RYR2: variants seen among roughly 807,000 people sequenced by gnomAD.
The protein encoded by RYR2 is ryanodine receptor 2.
RYR2 carries 227 observed loss-of-function variants against 601.1 expected under a neutral mutation model. The observed-to-expected ratio is 0.38, with a 90% CI of 0.34 to 0.42. The LOEUF is 0.42. Ranked by LOEUF, RYR2 falls within the 10% of genes least tolerant of loss-of-function variation. RYR2 has a pLI of 1.00. For missense variants in RYR2, 4,646 were observed against 6,156.5 expected, an observed-to-expected ratio of 0.75 and a Z score of 8.21; for synonymous variants, 2,223 against 2,175.1, an observed-to-expected ratio of 1.02 and a Z score of -0.61.
At chr1:237,225,285 GC>G (rs773886012) in intron 1 of RYR2, among the ~76,000 whole-genome samples, 9 of 152,172 alleles carry the variant, frequency 5.9e-5, no homozygotes, top group Non-Finnish European at 1.2e-4. Context: ...AGTTGAGGAT[GC>G]CCACCTGTAT....
chr1:237,558,787 G>A (rs1323464102), intron 27 of RYR2, among the ~76,000 whole-genome samples: 1 of 151,998 alleles, frequency 6.6e-6, no homozygotes, highest in African/African-American at 2.4e-5. Context: ...AGCTCTGCTT[G>A]TCTTTCTTCA....
rs1321772491 is a variant in RYR2, at chr1:237,566,567, C to T, written c.3215C>T (p.Ala1072Val). 2 of 1,612,088 alleles carry T rather than the reference C, an allele frequency of 1.2e-6. No individual in the cohort carries two copies. Among genetic ancestry groups the T allele is most frequent in the South Asian group, 2.2e-5 (2 of 91,030 alleles). Residue 1072 changes from alanine to valine, a missense_variant and splice_region_variant, in exon 28 of 105, where the codon GCA (alanine) becomes GTA (valine). By Grantham distance (64) the Ala-to-Val change is moderately conservative. Around this residue, in one of 17 missense-constraint regions of RYR2, gnomAD observed 1,807 missense variants for 2,088.1 expected, o/e 0.87. Coordinates refer to ENST00000366574, the MANE Select transcript of RYR2 (RefSeq NM_001035.3). ...CCAGAAATCTCTGTCCATTTCCCAG[C>T]AGCCAGAGCCGAAGTGTGCAGCGGC... Reference protein sequence around the residue: ...YNLEAPDQDHAARAEVCSGTG... With the variant: ...YNLEAPDQDHVARAEVCSGTG...
intron 71 of RYR2, 33 bp from the exon 72 acceptor site, chr1:237,717,165 G>A: frequency 3.1e-6 from 5 of 1,605,744 alleles, no homozygotes; most frequent in Non-Finnish European, 4.3e-6. Context: ...AGAAAAGCAG[G>A]TTCAGATCCC....
chr1:237,614,922 CTG>C lies in RYR2; in HGVS notation c.5715+89_5715+90del, dbSNP rs1449505483. The C allele has an allele frequency of 1.2e-5, 16 of 1,361,328 alleles. No individual in the cohort carries two copies. Among genetic ancestry groups the C allele is most frequent in the East Asian group, 4.8e-5 (2 of 41,642 alleles). The allele number at this position is 1,361,328 out of a possible 1,614,324, so 84.3% of individuals were successfully genotyped here. On this transcript the variant is annotated intron_variant, in intron 37 of 104. Transcript: ENST00000366574. This position sits in a 1 kb window ranked among gnomAD's most constrained non-coding sequence, Gnocchi z 4.3. Reference sequence around the variant, plus strand: ...TTAGAACATGCCTTTGTTTCTTTCTCTGTGTGTGTGTTTATTTCTTTGCATTC... The same window carrying C: ...TTAGAACATGCCTTTGTTTCTTTCTCTGTGTGTGTTTATTTCTTTGCATTC...
chr1:237,429,092 C>T (rs893050868), intron 12 of RYR2, among the ~76,000 whole-genome samples: 1 of 151,724 alleles, frequency 6.6e-6, no homozygotes, highest in Non-Finnish European at 1.5e-5. Context: ...CAGTTAGTGC[C>T]CTCAGAGCTT....
intron 1 of RYR2, among the ~76,000 whole-genome samples, chr1:237,174,672 A>G (rs1010509359): frequency 3.3e-5 from 5 of 151,994 alleles, no homozygotes; most frequent in African/African-American, 1.2e-4. Flanking sequence ...TAATATCCCG[A>G]CTGCTTTTTC....
chr1:237,328,552 C>A (rs1211679046), intron 2 of RYR2, among the ~76,000 whole-genome samples: 1 of 151,360 alleles, frequency 6.6e-6, no homozygotes, highest in African/African-American at 2.4e-5. Flanking sequence ...GTTGGGTAAA[C>A]AGGAGCCCAT....
intron 8 of RYR2, among the ~76,000 whole-genome samples, chr1:237,379,597 A>T (rs1451075300): frequency 6.6e-6 from 1 of 152,186 alleles, no homozygotes; most frequent in Non-Finnish European, 1.5e-5. Context: ...TTTACAAGTG[A>T]TTTCCAAACT....
Position 237,510,620 on chromosome 1 carries a change from CTT to C in RYR2, c.2719-1067_2719-1066del, listed in dbSNP as rs1665791743. Among the ~76,000 whole-genome samples, 3 of 152,014 alleles carry C rather than the reference CTT, an allele frequency of 2.0e-5. No homozygotes were observed. The South Asian group carries it at 6.2e-4, about 31-fold the overall frequency. Reference sequence around the variant, plus strand: ...TTTCTAACTTGGTGACTGCTGAAGACTTAAAAAAAAAGCTCACTCATGTTTCT... The same window carrying C: ...TTTCTAACTTGGTGACTGCTGAAGACAAAAAAAAAGCTCACTCATGTTTCT... On this transcript the variant is annotated intron_variant, in intron 23 of 104. Transcript: ENST00000366574.
chr1:237,682,472 AT>A (rs143380741), intron 62 of RYR2, among the ~76,000 whole-genome samples: 2,145 of 152,230 alleles, frequency 0.014, 43 homozygotes, highest in African/African-American at 0.049. Context: ...CCCATACTAT[AT>A]TTTTACTAAT....
intron 8 of RYR2, among the ~76,000 whole-genome samples, chr1:237,378,024 A>C (rs1030372515): frequency 6.6e-6 from 1 of 152,238 alleles, no homozygotes; most frequent in Non-Finnish European, 1.5e-5. Context: ...AGACACACCC[A>C]AAACTGGGCA....
chr1:237,631,822 G>C (rs1353223251), intron 42 of RYR2, among the ~76,000 whole-genome samples: 1 of 151,128 alleles, frequency 6.6e-6, no homozygotes, highest in Non-Finnish European at 1.5e-5. Context: ...TAGAGACGGG[G>C]TTTCACTGTG....
Position 237,377,324 on chromosome 1 carries a change from G to C in RYR2, c.465G>C (p.Gly155=). 1 of 1,609,104 alleles carries C rather than the reference G, an allele frequency of 6.2e-7. No homozygotes were observed. Among genetic ancestry groups the C allele is most frequent in the South Asian group, 1.1e-5 (1 of 90,146 alleles). Residue 155 remains glycine, a splice_region_variant and synonymous_variant, in exon 8 of 105, where the codon GGG becomes GGC. Transcript: ENST00000366574. The part of the protein sequence containing the change: ...FDVGLQEDTT[G]EACWWTIHPA... ...TTTCACATATCCGTATATCTGCAGGGGAGGCTTGTTGGTGGACCATACACC... is the reference window on the plus strand; with the variant it reads ...TTTCACATATCCGTATATCTGCAGGCGAGGCTTGTTGGTGGACCATACACC...
At chr1:237,111,630 G>C in intron 1 of RYR2, among the ~76,000 whole-genome samples, 1 of 149,588 alleles carries the variant, frequency 6.7e-6, no homozygotes, top group East Asian at 2.0e-4. Context: ...TTGAAGTTCT[G>C]AGTGTGAAGT....
At chr1:237,619,695 A>G (rs1270225733) in intron 38 of RYR2, among the ~76,000 whole-genome samples, 1 of 152,162 alleles carries the variant, frequency 6.6e-6, no homozygotes, top group Non-Finnish European at 1.5e-5. Flanking sequence ...TGAAAAAATT[A>G]AAGACGGAGT....
chr1:237,517,730 A>C (rs1387982377), intron 24 of RYR2, among the ~76,000 whole-genome samples: 1 of 152,172 alleles, frequency 6.6e-6, no homozygotes, highest in Non-Finnish European at 1.5e-5. Flanking sequence ...CCCTGTTTCC[A>C]CAGGCAACTG....
chr1:237,694,137 A>G (rs1161515433), intron 63 of RYR2, among the ~76,000 whole-genome samples: 1 of 151,992 alleles, frequency 6.6e-6, no homozygotes, highest in African/African-American at 2.4e-5. Context: ...TGCTAAAAAT[A>G]CAAAAAATTA....
At chr1:237,257,583 C>G (rs1221518094) in intron 1 of RYR2, among the ~76,000 whole-genome samples, 1 of 152,068 alleles carries the variant, frequency 6.6e-6, no homozygotes, top group Non-Finnish European at 1.5e-5. Flanking sequence ...GACTGAATAT[C>G]TACTATGTGC....
intron 34 of RYR2, among the ~76,000 whole-genome samples, chr1:237,595,978 C>T (rs1381815664): frequency 6.6e-6 from 1 of 152,150 alleles, no homozygotes; most frequent in Non-Finnish European, 1.5e-5. Context: ...AGATACTACA[C>T]TACCGCATCC....
Sources: gnomAD v4.1 joint callset for allele counts (sites outside exome capture counted in the v4.1 genomes callset) on GRCh38, gnomAD v4.1.1 for gene constraint, gnomAD v4.1.1 regional missense constraint, Gnocchi (gnomAD v3.1) non-coding constraint, MANE v1.5 for transcripts, NCBI Gene and HGNC (gene_info 2026-07-23, HGNC 2026-07-21) for gene names.